The following EHBP1 variants were observed in gnomAD, a reference collection of about 807,000 sequenced individuals.
The protein encoded by EHBP1 is EH domain-binding protein 1.
EHBP1 carries 55 observed loss-of-function variants against 144.0 expected under a neutral mutation model. The ratio of observed to expected loss-of-function variants is 0.38; its 90% CI spans 0.31 to 0.48. EHBP1 has a LOEUF of 0.48. EHBP1 is among the 20% of genes least tolerant of loss of function. The pLI is 0.98. For synonymous variants in EHBP1, 469 were observed against 472.7 expected, an observed-to-expected ratio of 0.99 and a Z score of 0.10; for missense variants, 1,200 against 1,364.2, an observed-to-expected ratio of 0.88 and a Z score of 1.90.
At chr2:62,834,948 C>CT (rs2047096638) in intron 7 of EHBP1, among the ~76,000 whole-genome samples, 1 of 152,168 alleles carries the variant, frequency 6.6e-6, no homozygotes, top group African/African-American at 2.4e-5. Context: ...GTATATGTAT[C>CT]TTTTTTTATA....
intron 10 of EHBP1, among the ~76,000 whole-genome samples, chr2:62,928,219 C>G (rs1229187501): frequency 6.6e-6 from 1 of 152,154 alleles, no homozygotes; most frequent in East Asian, 1.9e-4. Context: ...AAGTGTCATG[C>G]CTGTTAGATA....
At chr2:62,896,697 A>G (rs2052967658) in intron 10 of EHBP1, among the ~76,000 whole-genome samples, 1 of 151,112 alleles carries the variant, frequency 6.6e-6, no homozygotes, top group African/African-American at 2.4e-5. Context: ...AAAAAAAAAC[A>G]AAAAACCCTG....
intron 19 of EHBP1, among the ~76,000 whole-genome samples, chr2:63,007,358 G>C (rs910256287): frequency 1.6e-4 from 24 of 151,794 alleles, no homozygotes; most frequent in Non-Finnish European, 1.9e-4. Context: ...AAATTTAGCA[G>C]GTTGCTTGTT....
chr2:62,839,254 CAATAGA>C (rs2047580443), intron 7 of EHBP1, among the ~76,000 whole-genome samples: 1 of 152,092 alleles, frequency 6.6e-6, no homozygotes. Flanking sequence ...ATGATTATCT[CAATAGA>C]TGCGGAAAAA....
intron 5 of EHBP1, among the ~76,000 whole-genome samples, chr2:62,802,986 A>C (rs888987842): frequency 5.9e-5 from 9 of 152,106 alleles, no homozygotes; most frequent in Non-Finnish European, 1.2e-4. Context: ...TGGCCTCCCA[A>C]AGTGCTGGGA....
At chr2:62,841,267 A>C (rs915557163) in intron 7 of EHBP1, among the ~76,000 whole-genome samples, 4 of 147,402 alleles carry the variant, frequency 2.7e-5, no homozygotes, top group African/African-American at 1.0e-4. Flanking sequence ...GCATATTCTC[A>C]CTCATAGGTG....
rs2153089162 is a variant in EHBP1, at chr2:62,948,240, T to C, written c.1414-20T>C. 2 of 1,522,158 alleles carry C rather than the reference T, an allele frequency of 1.3e-6. No homozygotes were observed. Among genetic ancestry groups the C allele is most frequent in the South Asian group, 2.6e-5 (2 of 75,634 alleles). 94.3% of individuals were successfully genotyped at this position (1,522,158 alleles called of 1,614,324 possible). ...TATATGAACTGTTCAATATATCTTT[T>C]GTTTTTCCTTCCTTTGAAGGCATAC... On this transcript the variant is annotated intron_variant, in intron 12 of 22. Coordinates refer to ENST00000431489, the MANE Select transcript of EHBP1 (RefSeq NM_001142616.3).
chr2:62,909,789 G>A (rs1314371109), intron 10 of EHBP1, among the ~76,000 whole-genome samples: 1 of 151,726 alleles, frequency 6.6e-6, no homozygotes, highest in African/African-American at 2.4e-5. Flanking sequence ...ACAGAGTCTT[G>A]CTCTGTCACC....
At chr2:62,971,200 G>T (rs1020389839) in intron 14 of EHBP1, among the ~76,000 whole-genome samples, 3 of 152,142 alleles carry the variant, frequency 2.0e-5, no homozygotes, top group South Asian at 2.1e-4. Context: ...ATCTTTATTT[G>T]AATATTTCAA....
At chr2:62,722,634 C>T (rs1394494443) in intron 2 of EHBP1, among the ~76,000 whole-genome samples, 1 of 152,190 alleles carries the variant, frequency 6.6e-6, no homozygotes, top group Non-Finnish European at 1.5e-5. Context: ...TTAGTTGTCA[C>T]ACCTCTTTAA....
chr2:62,881,636 A>G (rs913467907), intron 10 of EHBP1: 4 of 152,178 alleles, frequency 2.6e-5, no homozygotes. Context: ...GAGAATTTCA[A>G]TTTTGTCACT....
At chr2:62,870,823 TTGC>T (rs2050422037) in intron 9 of EHBP1, among the ~76,000 whole-genome samples, 1 of 151,614 alleles carries the variant, frequency 6.6e-6, no homozygotes, top group Non-Finnish European at 1.5e-5. Flanking sequence ...TTGTTTTCTA[TTGC>T]TGTGGAGTTG....
intron 5 of EHBP1, among the ~76,000 whole-genome samples, chr2:62,803,025 A>G (rs999858632): frequency 1.3e-5 from 2 of 152,162 alleles, no homozygotes; most frequent in Admixed American, 6.5e-5. Context: ...GTGCCCAGCT[A>G]TAGAGATCAT....
At chr2:62,834,683 A>G (rs1240060682) in intron 7 of EHBP1, among the ~76,000 whole-genome samples, 5 of 152,248 alleles carry the variant, frequency 3.3e-5, no homozygotes, top group African/African-American at 1.2e-4. Flanking sequence ...GACTAGCAAT[A>G]TGTCTGAGAT....
At chr2:62,991,220 C>G (rs1324487273) in intron 16 of EHBP1, among the ~76,000 whole-genome samples, 3 of 141,620 alleles carry the variant, frequency 2.1e-5, no homozygotes, top group African/African-American at 7.9e-5. Flanking sequence ...ACTCCAGCAG[C>G]GGAGACAGGG....
intron 10 of EHBP1, among the ~76,000 whole-genome samples, chr2:62,914,143 A>G (rs933518245): frequency 1.3e-5 from 2 of 152,186 alleles, no homozygotes; most frequent in Non-Finnish European, 2.9e-5. Context: ...GCATACAGCT[A>G]TTAGATAAAT....
chr2:62,675,654 T>G (rs1327917206), intron 1 of EHBP1, among the ~76,000 whole-genome samples: 6 of 152,134 alleles, frequency 3.9e-5, no homozygotes, highest in Admixed American at 3.9e-4. Context: ...GAAAAAAATT[T>G]TCAATGCTGC....
chr2:63,019,892 G>GA (rs1187318339), intron 19 of EHBP1, among the ~76,000 whole-genome samples: 39 of 138,278 alleles, frequency 2.8e-4, no homozygotes, highest in East Asian at 1.8e-3. Context: ...AGGAAGGAAG[G>GA]AAAAAAAAAT....
chr2:63,018,282 T>C (rs1031110070), intron 19 of EHBP1, among the ~76,000 whole-genome samples: 1 of 152,236 alleles, frequency 6.6e-6, no homozygotes, highest in Admixed American at 6.5e-5. Context: ...TCTATAGTTT[T>C]TTTCTGTAGT....
Sources: gnomAD v4.1 joint callset for allele counts (sites outside exome capture counted in the v4.1 genomes callset) on GRCh38, gnomAD v4.1.1 for gene constraint, MANE v1.5 for transcripts, NCBI Gene and HGNC (gene_info 2026-07-23, HGNC 2026-07-21) for gene names.